The following RBFOX1 variants were observed in gnomAD, a reference collection of about 807,000 sequenced individuals.
RBFOX1 encodes the protein RNA binding fox-1 homolog 1, also known as RNA binding protein fox-1 homolog 1.
Under a neutral mutation model 57.7 loss-of-function variants are expected in RBFOX1, and 8 were observed. The ratio of observed to expected loss-of-function variants is 0.14; its 90% CI spans 0.08 to 0.25. The LOEUF is 0.25. RBFOX1 is among the 10% of genes least tolerant of loss of function. RBFOX1 has a pLI of 1.00. For missense variants in RBFOX1, 611 were observed against 548.5 expected (o/e 1.11, Z -1.14); for synonymous variants, 326 against 222.4 (o/e 1.47, Z -4.15).
Position 6,453,400 on chromosome 16 carries a change from A to G in RBFOX1, c.-64+136343A>G, listed in dbSNP as rs370179277. Among the ~76,000 whole-genome samples the G allele has an allele frequency of 1.2e-4, 18 of 152,260 alleles. No homozygotes were observed. The East Asian group carries it at 1.4e-3, about 11-fold the overall frequency. ...TTCCTGTGTTAGTTTGCTGAGAATG[A>G]TGGTCTACGCAAATAAACTAGAAAA... On this transcript the variant is annotated intron_variant, in intron 2 of 15. Coordinates refer to ENST00000550418, the MANE Select transcript of RBFOX1 (RefSeq NM_018723.4).
At chr16:5,243,501 C>CTGG (rs2062220661) in intron 1 of RBFOX1, among the ~76,000 whole-genome samples, 1 of 152,060 alleles carries the variant, frequency 6.6e-6, no homozygotes, top group Admixed American at 6.5e-5. Flanking sequence ...ATTCGTGGTG[C>CTGG]TGGTGGGGGC....
intron 3 of RBFOX1, among the ~76,000 whole-genome samples, chr16:6,724,439 C>G (rs2066706931): frequency 6.6e-6 from 1 of 151,986 alleles, no homozygotes; most frequent in African/African-American, 2.4e-5. Flanking sequence ...AACTCCTGAC[C>G]TCAGGTGATC....
chr16:6,831,070 A>C (rs2092674977), intron 3 of RBFOX1, among the ~76,000 whole-genome samples: 1 of 152,100 alleles, frequency 6.6e-6, no homozygotes, highest in Admixed American at 6.5e-5. Flanking sequence ...ATGTACCTCA[A>C]CCTCCATCTA....
intron 5 of RBFOX1, among the ~76,000 whole-genome samples, chr16:7,537,060 A>G (rs904137476): frequency 7.9e-5 from 12 of 152,216 alleles, no homozygotes; most frequent in African/African-American, 2.9e-4. Context: ...ATGGGAGGCC[A>G]TTGAAGGATT....
chr16:6,600,935 C>G (rs1361114188), intron 2 of RBFOX1, among the ~76,000 whole-genome samples: 2 of 152,136 alleles, frequency 1.3e-5, no homozygotes, highest in Non-Finnish European at 2.9e-5. Context: ...AGGTGATACT[C>G]TGAGTCAGAA....
intron 3 of RBFOX1, among the ~76,000 whole-genome samples, chr16:6,931,342 C>CTATCTCTATCT (rs1567942388): frequency 9.1e-6 from 1 of 110,268 alleles, no homozygotes; most frequent in Admixed American, 8.6e-5. Flanking sequence ...TCTATCTCTA[C>CTATCTCTATCT]ACACACACAC....
At chr16:6,347,785 G>C (rs2085633435) in intron 2 of RBFOX1, among the ~76,000 whole-genome samples, 1 of 152,320 alleles carries the variant, frequency 6.6e-6, no homozygotes, top group South Asian at 2.1e-4. Flanking sequence ...CAGTCTACCT[G>C]CGACTGCCTG....
At chr16:6,289,930 T>C (rs1361431813) in intron 1 of RBFOX1, among the ~76,000 whole-genome samples, 1 of 152,074 alleles carries the variant, frequency 6.6e-6, no homozygotes, top group Non-Finnish European at 1.5e-5. Context: ...ATGCCTTTGA[T>C]AGTTGAGAAT....
intron 4 of RBFOX1, among the ~76,000 whole-genome samples, chr16:7,466,830 C>G (rs547314231): frequency 1.3e-5 from 2 of 152,262 alleles, no homozygotes; most frequent in South Asian, 2.1e-4. Context: ...GGACACCATA[C>G]TTCCAAAGGA....
chr16:7,220,775 C>A (rs1346473890), intron 4 of RBFOX1, among the ~76,000 whole-genome samples: 1 of 152,170 alleles, frequency 6.6e-6, no homozygotes, highest in African/African-American at 2.4e-5. Context: ...CCTATCAGGG[C>A]TGGCCGTACA....
chr16:6,926,709 G>T (rs1021532710), intron 3 of RBFOX1, among the ~76,000 whole-genome samples: 2 of 152,124 alleles, frequency 1.3e-5, no homozygotes, highest in African/African-American at 4.8e-5. Flanking sequence ...TCTTCTTCCC[G>T]TTAATTCGTT....
At chr16:7,134,695 C>T (rs1404704073) in intron 4 of RBFOX1, among the ~76,000 whole-genome samples, 1 of 152,158 alleles carries the variant, frequency 6.6e-6, no homozygotes, top group East Asian at 1.9e-4. Context: ...CTTAGAAATC[C>T]TGACTGTGAA....
At chr16:5,708,591 C>T (rs1413430029) in intron 3 of RBFOX1, among the ~76,000 whole-genome samples, 3 of 152,208 alleles carry the variant, frequency 2.0e-5, no homozygotes, top group African/African-American at 4.8e-5. Flanking sequence ...CCACCTCAAC[C>T]ATGTGTCTTC....
intron 3 of RBFOX1, among the ~76,000 whole-genome samples, chr16:5,638,085 C>T (rs1481353075): frequency 4.6e-5 from 7 of 152,194 alleles, no homozygotes; most frequent in Non-Finnish European, 8.8e-5. Context: ...AGAGATTAAT[C>T]TTAGAAAATA....
chr16:7,121,037 A>T (rs188084093), intron 4 of RBFOX1, among the ~76,000 whole-genome samples: 1 of 152,122 alleles, frequency 6.6e-6, no homozygotes, highest in Admixed American at 6.6e-5. Context: ...ATAGTCCTGA[A>T]CAGTATTGGA....
At chr16:7,649,569 G>A (rs1385154944) in intron 11 of RBFOX1, among the ~76,000 whole-genome samples, 1 of 151,992 alleles carries the variant, frequency 6.6e-6, no homozygotes, top group Non-Finnish European at 1.5e-5. Context: ...CTGTTTATCT[G>A]CAAATTCTGA....
chr16:5,436,650 C>T (rs2067926356), intron 1 of RBFOX1, among the ~76,000 whole-genome samples: 2 of 152,010 alleles, frequency 1.3e-5, no homozygotes, highest in African/African-American at 2.4e-5. Context: ...CCAGTCTGGC[C>T]AACATGGTGA....
At chr16:6,229,486 G>C (rs1448160362) in intron 1 of RBFOX1, among the ~76,000 whole-genome samples, 3 of 152,142 alleles carry the variant, frequency 2.0e-5, no homozygotes, top group African/African-American at 7.2e-5. Context: ...AATGATGTTT[G>C]TGAGCATTAA....
In RBFOX1 at chr16:6,657,111, C is replaced by CCCTCTCCTCT. The variant is rs746674928; in HGVS notation, c.-16+2477_-16+2486dup. Among the ~76,000 whole-genome samples, 96 of 111,790 alleles carry CCCTCTCCTCT rather than the reference C, an allele frequency of 8.6e-4. 3 individuals carry two copies. The highest frequency in any genetic ancestry group is 3.8e-3 in the African/African-American group (90 of 23,576). The allele number at this position is 111,790 out of a possible 152,430, so 73.3% of individuals were successfully genotyped here. A position where few individuals can be genotyped will look rare whatever the true frequency, so the allele number is the denominator to read the frequency against. On this transcript the variant is annotated intron_variant, in intron 3 of 15. Coordinates refer to ENST00000550418, the MANE Select transcript of RBFOX1 (RefSeq NM_018723.4). ...TCCTCCCCTTTACTCTCCTCTCCTC[C>CCCTCTCCTCT]CCTCTCCTCTCCTCTCCTCTCCTCT...
Sources: allele counts gnomAD v4.1 joint callset (sites outside exome capture counted in the v4.1 genomes callset), GRCh38; gene constraint gnomAD v4.1.1; transcripts MANE v1.5; gene names NCBI Gene and HGNC (gene_info 2026-07-23, HGNC 2026-07-21).